Variants in CYP2C8 observed in about 807,000 individuals in gnomAD.
CYP2C8 encodes the protein cytochrome P450 family 2 subfamily C member 8, also known as cytochrome P450 2C8.
In CYP2C8, 51 loss-of-function variants were observed where a neutral mutation model predicts 41.3. That is an observed-to-expected ratio of 1.24 (90% confidence interval 0.99 to 1.56). The LOEUF (loss-of-function observed/expected upper bound fraction) is 1.56. Among genes scored for constraint, CYP2C8 ranks in the 40% most tolerant of loss-of-function variants. CYP2C8 has a pLI of 0.00. For synonymous variants in CYP2C8, 218 were observed against 205.8 expected, an observed-to-expected ratio of 1.06 and a Z score of -0.51; for missense variants, 651 against 579.9, an observed-to-expected ratio of 1.12 and a Z score of -1.26.
chr10:95,067,830 A>G, intron 1 of CYP2C8, 139 bp from the exon 2 acceptor site: 1 of 967,190 alleles, frequency 1.0e-6, no homozygotes, highest in South Asian at 1.6e-5. Flanking sequence ...TGAATTTTGT[A>G]CATAAATGTG....
intron 4 of CYP2C8, among the ~76,000 whole-genome samples, chr10:95,062,988 G>A (rs1321125317): frequency 6.6e-6 from 1 of 152,202 alleles, no homozygotes; most frequent in East Asian, 1.9e-4. Context: ...CTGGCTTGTA[G>A]AGTTTCTGCC....
chr10:95,057,517 A>G (rs2033336594), intron 5 of CYP2C8, among the ~76,000 whole-genome samples: 1 of 152,274 alleles, frequency 6.6e-6, no homozygotes, highest in East Asian at 1.9e-4. Context: ...TCTTGAAAAA[A>G]GCTTTGAGGA....
chr10:95,038,853 TTC>T (rs768495659), intron 8 of CYP2C8, 42 bp downstream of exon 8: 1 of 1,604,728 alleles, frequency 6.2e-7, no homozygotes, highest in Admixed American at 1.7e-5. Context: ...TTCCAAAAAG[TTC>T]TCTCTTTCCT....
At chr10:95,055,037 T>C (rs2033288746) in intron 5 of CYP2C8, among the ~76,000 whole-genome samples, 1 of 152,100 alleles carries the variant, frequency 6.6e-6, no homozygotes, top group Non-Finnish European at 1.5e-5. Flanking sequence ...TTAAAATTGT[T>C]AAGATGGCAA....
chr10:95,058,341 C>T lies in CYP2C8; in HGVS notation c.813G>A (p.Met271Ile), dbSNP rs2033350740. The T allele has an allele frequency of 6.2e-7, 1 of 1,613,030 alleles. No individual in the cohort carries two copies. The highest frequency in any genetic ancestry group is 8.5e-7 in the Non-Finnish European group (1 of 1,179,438). Residue 271 changes from methionine to isoleucine, a missense_variant, in exon 5 of 9, where the codon ATG (methionine) becomes ATA (isoleucine). Transcript: ENST00000371270. ...RDFIDCFLIK[M>I]EQEKDNQKSE... is the part of the protein sequence containing the mutation. ...TCTGTTGCTAATATCTTACCTGCTC[C>T]ATTTTGATCAGGAAGCAATCGATAA...
chr10:95,053,949 A>G (rs1934977), intron 5 of CYP2C8, among the ~76,000 whole-genome samples: 36,873 of 152,004 alleles, frequency 0.24, 4,968 homozygotes, highest in East Asian at 0.39. Context: ...AATCACTCAA[A>G]AATATGAATA....
chr10:95,048,082 C>T (rs545797840), intron 5 of CYP2C8, among the ~76,000 whole-genome samples: 1 of 152,092 alleles, frequency 6.6e-6, no homozygotes, highest in South Asian at 2.1e-4. Flanking sequence ...CAGGGTTTCA[C>T]CTCTGCCAGC....
At chr10:95,059,105 C>T (rs557788012) in intron 4 of CYP2C8, among the ~76,000 whole-genome samples, 15 of 152,152 alleles carry the variant, frequency 9.9e-5, no homozygotes, top group Non-Finnish European at 1.8e-4. Context: ...AATAAACATA[C>T]GTGTGCATGT....
At chr10:95,037,866 C>G (rs955395272) in intron 8 of CYP2C8, among the ~76,000 whole-genome samples, 2 of 152,154 alleles carry the variant, frequency 1.3e-5, no homozygotes, top group Non-Finnish European at 2.9e-5. Context: ...GACATAGGTT[C>G]AATTTCATTT....
At chr10:95,068,620 A>G in intron 1 of CYP2C8, 2 of 1,289,046 alleles carry the variant, frequency 1.6e-6, no homozygotes, top group Non-Finnish European at 2.0e-6. Flanking sequence ...CAAAAATCAT[A>G]GCAAAACACT....
In CYP2C8 at chr10:95,060,753, C is replaced by G. The variant is rs1028036624; in HGVS notation, c.643-2242G>C. Among the ~76,000 whole-genome samples, 3 of 152,048 alleles carry G rather than the reference C, an allele frequency of 2.0e-5. No homozygotes were observed. The East Asian group carries it at 5.8e-4, about 29-fold the overall frequency. On this transcript the variant is annotated intron_variant, in intron 4 of 8. Transcript: ENST00000371270. ...CAAAGGGAATGCTTCCAGTTTTTGC[C>G]CATTCAGTATGATACTGGCTGTGGG...
chr10:95,062,112 T>C (rs961985983), intron 4 of CYP2C8, among the ~76,000 whole-genome samples: 2 of 152,190 alleles, frequency 1.3e-5, no homozygotes, highest in Non-Finnish European at 2.9e-5. Flanking sequence ...AGAATGTATA[T>C]TCTGTTGATT....
intron 5 of CYP2C8, among the ~76,000 whole-genome samples, chr10:95,056,466 T>A (rs1227051316): frequency 1.3e-5 from 2 of 152,152 alleles, no homozygotes; most frequent in Non-Finnish European, 1.5e-5. Context: ...AGCAACATTA[T>A]TTATAAGAGC....
chr10:95,054,502 C>G (rs55700247), intron 5 of CYP2C8, among the ~76,000 whole-genome samples: 4,389 of 152,102 alleles, frequency 0.029, 234 homozygotes, highest in African/African-American at 0.098. Flanking sequence ...GGGAAAAGAT[C>G]CAAGTATATC....
At chr10:95,058,614 T>G in intron 4 of CYP2C8, 103 bp from the exon 5 acceptor site, 1 of 1,076,934 alleles carries the variant, frequency 9.3e-7, no homozygotes, top group Non-Finnish European at 1.3e-6. Context: ...TAAGACATCA[T>G]GTCCATTTTG....
intron 7 of CYP2C8, 150 bp from the exon 8 acceptor site, chr10:95,039,188 C>T (rs775320975): frequency 2.1e-5 from 15 of 720,274 alleles, no homozygotes; most frequent in Non-Finnish European, 2.7e-5. Context: ...GAGCTTAAGG[C>T]CAGTGGTGGA....
At chr10:95,039,529 A>T (rs1389270831) in intron 7 of CYP2C8, among the ~76,000 whole-genome samples, 1 of 152,222 alleles carries the variant, frequency 6.6e-6, no homozygotes, top group Non-Finnish European at 1.5e-5. Flanking sequence ...TGTGTTTATT[A>T]CTGCCATGCT....
rs2032943147 is a variant in CYP2C8, at chr10:95,038,993, T to C, written c.1195A>G (p.Lys399Glu). 6.2e-7 allele frequency: 1 copy of C among 1,613,764 alleles called. No homozygotes were observed. Among genetic ancestry groups the C allele is most frequent in the African/African-American group, 1.3e-5 (1 of 75,044 alleles). The change falls in exon 8 of 9, where the codon AAA becomes GAA. Residue 399 changes from lysine to glutamate, a missense_variant. Transcript: ENST00000371270. ...ALLTSVLHDD[K>E]EFPNPNIFDP... ...AAGATATTTGGATTAGGAAATTCTT[T>C]GTCATCATGTAGCACGGAAGTCAGT...
intron 5 of CYP2C8, among the ~76,000 whole-genome samples, chr10:95,054,634 TAAC>T (rs1564737919): frequency 1.3e-5 from 2 of 152,052 alleles, no homozygotes; most frequent in African/African-American, 4.8e-5. Flanking sequence ...TATTTTAAGA[TAAC>T]ACAATTATAT....
Sources: gnomAD v4.1 joint callset for allele counts (sites outside exome capture counted in the v4.1 genomes callset) on GRCh38, gnomAD v4.1.1 for gene constraint, MANE v1.5 for transcripts, NCBI Gene and HGNC (gene_info 2026-07-23, HGNC 2026-07-21) for gene names.